The following MAN1A2 variants were observed in gnomAD, a reference collection of about 807,000 sequenced individuals.
MAN1A2 encodes mannosyl-oligosaccharide 1,2-alpha-mannosidase IB.
MAN1A2 carries 26 observed loss-of-function variants against 75.7 expected under a neutral mutation model. That is an observed-to-expected ratio of 0.34 (90% CI 0.25 to 0.48). The LOEUF (loss-of-function observed/expected upper bound fraction) is 0.48, where lower values mean the gene tolerates loss of function less well. MAN1A2 is among the 20% of genes least tolerant of loss of function. MAN1A2 has a pLI of 0.99. For missense variants in MAN1A2, 562 were observed against 775.5 expected, an observed-to-expected ratio of 0.72 and a Z score of 3.27; for synonymous variants, 247 against 264.6, an observed-to-expected ratio of 0.93 and a Z score of 0.65.
At chr1:117,452,765 G>A (rs533255973) in intron 6 of MAN1A2, among the ~76,000 whole-genome samples, 38 of 152,334 alleles carry the variant, frequency 2.5e-4, no homozygotes, top group African/African-American at 8.9e-4. Flanking sequence ...TGCAGCAAGT[G>A]ATCCAGAAGA....
intron 1 of MAN1A2, among the ~76,000 whole-genome samples, chr1:117,379,496 A>T (rs1210793062): frequency 6.6e-6 from 1 of 152,190 alleles, no homozygotes; most frequent in Non-Finnish European, 1.5e-5. Context: ...CATTTAACAT[A>T]GAATTAATCA....
rs1175858389 is a variant in MAN1A2, at chr1:117,429,376, C to T, written c.855+8727C>T. 1.4e-4 allele frequency among the ~76,000 whole-genome samples: 19 copies of T among 136,618 alleles called. No individual in the cohort carries two copies. The South Asian group carries it at 1.7e-3, about 12-fold the overall frequency. 89.6% of individuals were successfully genotyped at this position (136,618 alleles called of 152,430 possible). On this transcript the variant is annotated intron_variant, in intron 5 of 12. Coordinates refer to ENST00000356554, the MANE Select transcript of MAN1A2 (RefSeq NM_006699.5). ...GGGGCTCCTCACTTCCCAGTAGGGG[C>T]GGCCGGGCAGAGGCGCCCCTCACCT...
intron 1 of MAN1A2, among the ~76,000 whole-genome samples, chr1:117,373,791 A>G (rs937534989): frequency 6.6e-6 from 1 of 152,094 alleles, no homozygotes; most frequent in Non-Finnish European, 1.5e-5. Flanking sequence ...ACTGCACCCA[A>G]CCGAATCTTA....
At chr1:117,495,414 G>C (rs1403444583) in intron 9 of MAN1A2, among the ~76,000 whole-genome samples, 1 of 151,652 alleles carries the variant, frequency 6.6e-6, no homozygotes, top group African/African-American at 2.4e-5. Flanking sequence ...AAAGAGATAG[G>C]AATGACCACT....
chr1:117,424,885 G>GA (rs1312586455), intron 5 of MAN1A2, among the ~76,000 whole-genome samples: 1 of 152,140 alleles, frequency 6.6e-6, no homozygotes, highest in East Asian at 1.9e-4. Context: ...ATGTCTTTAA[G>GA]AATCTTCTGA....
intron 1 of MAN1A2, among the ~76,000 whole-genome samples, chr1:117,388,880 A>G (rs909708060): frequency 6.6e-6 from 1 of 152,196 alleles, no homozygotes; most frequent in Non-Finnish European, 1.5e-5. Flanking sequence ...TTTACAATAA[A>G]TTATTTTCAT....
intron 1 of MAN1A2, among the ~76,000 whole-genome samples, chr1:117,371,140 C>A (rs1652952795): frequency 6.6e-6 from 1 of 152,088 alleles, no homozygotes; most frequent in African/African-American, 2.4e-5. Context: ...TTATTATCAT[C>A]AGTGATTATA....
chr1:117,426,077 A>T (rs948297130), intron 5 of MAN1A2, among the ~76,000 whole-genome samples: 2 of 151,744 alleles, frequency 1.3e-5, no homozygotes, highest in African/African-American at 4.8e-5. Context: ...TTTTTGAAAA[A>T]TTTTCTTTGG....
chr1:117,520,873 CA>C (rs1156940951), intron 12 of MAN1A2, among the ~76,000 whole-genome samples: 3 of 151,922 alleles, frequency 2.0e-5, no homozygotes, highest in African/African-American at 7.2e-5. Context: ...CAAGACTAAG[CA>C]AAAAGAACAA....
rs181113529 is a variant in MAN1A2 at position 117,485,735 on chromosome 1, T to A, written c.1169-7412T>A. On this transcript the variant is annotated intron_variant, in intron 8 of 12. Coordinates refer to ENST00000356554, the MANE Select transcript of MAN1A2 (RefSeq NM_006699.5). ...AGAATAACTATACAGCCCTCTTTTT[T>A]AAAAAATCACATGATTTCATTGAGG... 7.4e-3 allele frequency among the ~76,000 whole-genome samples: 1,122 copies of A among 152,102 alleles called. 18 individuals carry two copies. The highest frequency in any genetic ancestry group is 0.026 in the African/African-American group (1,071 of 41,534).
chr1:117,417,098 T>C (rs992059076), intron 4 of MAN1A2, among the ~76,000 whole-genome samples: 3 of 152,146 alleles, frequency 2.0e-5, no homozygotes, highest in Non-Finnish European at 4.4e-5. Flanking sequence ...AGGGAGCCAG[T>C]TGGTAAATTA....
intron 1 of MAN1A2, among the ~76,000 whole-genome samples, chr1:117,375,563 A>G (rs548132764): frequency 6.6e-6 from 1 of 152,326 alleles, no homozygotes; most frequent in South Asian, 2.1e-4. Context: ...AGTGATGTTG[A>G]TATTACCATT....
chr1:117,526,610 T>C lies in MAN1A2; in HGVS notation c.*3653T>C, dbSNP rs1652026391. The C allele has an allele frequency of 6.6e-6, 1 of 151,360 alleles. No individual in the cohort carries two copies. The highest frequency in any genetic ancestry group is 1.5e-5 in the Non-Finnish European group (1 of 67,656). 9.4% of individuals were successfully genotyped at this position (151,360 alleles called of 1,614,324 possible). On this transcript the variant is annotated 3_prime_UTR_variant, in exon 13 of 13. Coordinates refer to ENST00000356554, the MANE Select transcript of MAN1A2 (RefSeq NM_006699.5). ...ATTAAAAAGCAGTGTTTTATAGAAA[T>C]GCTGGTTATTTTATATTCAAAAAGA...
intron 3 of MAN1A2, among the ~76,000 whole-genome samples, chr1:117,413,467 G>A (rs1197489286): frequency 6.6e-6 from 1 of 151,862 alleles, no homozygotes; most frequent in Non-Finnish European, 1.5e-5. Flanking sequence ...AATGTTGAAT[G>A]CTGGCTCTGA....
At chr1:117,469,444 A>C (rs1650078951) in intron 8 of MAN1A2, among the ~76,000 whole-genome samples, 3 of 152,144 alleles carry the variant, frequency 2.0e-5, no homozygotes, top group Admixed American at 1.3e-4. Context: ...GTAACAATAC[A>C]AAAATAAAAG....
chr1:117,524,981 G>C lies in MAN1A2; in HGVS notation c.*2024G>C. The stretch of plus-strand genomic sequence containing the variant: ...ATCACTGAGAAAAAGTGAAAAACTT[G>C]AGTTGGCAAAGATGCAGAGCAGCAG... On this transcript the variant is annotated 3_prime_UTR_variant, in exon 13 of 13. Coordinates refer to ENST00000356554, the MANE Select transcript of MAN1A2 (RefSeq NM_006699.5). 5.5e-6 allele frequency: 2 copies of C among 363,754 alleles called. No homozygotes were observed. The highest frequency in any genetic ancestry group is 1.1e-5 in the Non-Finnish European group (2 of 174,580). The allele number at this position is 363,754 out of a possible 1,614,324, so 22.5% of individuals were successfully genotyped here. A position where few individuals can be genotyped will look rare whatever the true frequency, so the allele number is the denominator to read the frequency against.
chr1:117,390,913 G>A (rs1213747256), intron 1 of MAN1A2, among the ~76,000 whole-genome samples: 1 of 151,916 alleles, frequency 6.6e-6, no homozygotes, highest in Non-Finnish European at 1.5e-5. Flanking sequence ...CGCCTTTATT[G>A]AGGTATTATT....
chr1:117,398,824 G>C (rs539439986), intron 1 of MAN1A2, among the ~76,000 whole-genome samples: 1 of 152,250 alleles, frequency 6.6e-6, no homozygotes, highest in East Asian at 1.9e-4. Context: ...CTTAGGATAA[G>C]GGAAGCCATG....
chr1:117,429,485 G>A (rs1336002731), intron 5 of MAN1A2, among the ~76,000 whole-genome samples: 31 of 77,272 alleles, frequency 4.0e-4, no homozygotes, highest in African/African-American at 4.8e-4. Flanking sequence ...GCGGGGGGCC[G>A]ACACCCCCAC....
Sources: allele counts gnomAD v4.1 joint callset (sites outside exome capture counted in the v4.1 genomes callset), GRCh38; gene constraint gnomAD v4.1.1; transcripts MANE v1.5; gene names NCBI Gene and HGNC (gene_info 2026-07-23, HGNC 2026-07-21).